BANK1: variants seen among roughly 807,000 people sequenced by gnomAD.
The protein encoded by BANK1 is B cell scaffold protein with ankyrin repeats 1.
A neutral mutation model predicts 94.5 loss-of-function variants in BANK1; 95 were observed. The observed-to-expected ratio is 1.00, with a 90% CI of 0.85 to 1.19. BANK1 has a LOEUF of 1.19. BANK1 is among the 50% of genes most tolerant of loss of function. The probability of loss-of-function intolerance (pLI) is 0.00; values close to 1 mark genes in which losing one functional copy is unlikely to be tolerated. For missense variants in BANK1, 987 were observed against 932.2 expected (o/e 1.06, Z -0.77); for synonymous variants, 334 against 308.4 (o/e 1.08, Z -0.87).
chr4:101,943,638 T>G (rs1339042762), intron 7 of BANK1, among the ~76,000 whole-genome samples: 1 of 151,864 alleles, frequency 6.6e-6, no homozygotes, highest in Non-Finnish European at 1.5e-5. Context: ...AATACTTATT[T>G]CATATCTAAA....
chr4:101,939,344 ATAAT>A (rs1723669058), intron 7 of BANK1, among the ~76,000 whole-genome samples: 2 of 151,778 alleles, frequency 1.3e-5, no homozygotes, highest in Admixed American at 1.3e-4. Flanking sequence ...AAGTTGTAAA[ATAAT>A]TAACACTAAA....
At chr4:102,034,153 G>T (rs149302668) in intron 10 of BANK1, among the ~76,000 whole-genome samples, 3 of 152,144 alleles carry the variant, frequency 2.0e-5, no homozygotes, top group Admixed American at 1.3e-4. Context: ...GCCCAAAAAT[G>T]GTATCAGTAT....
At position 101,927,597 on chromosome 4, in the gene BANK1, G is replaced by A. The variant is rs116805825; in HGVS notation, c.1206+9408G>A. 5.1e-4 allele frequency among the ~76,000 whole-genome samples: 78 copies of A among 151,684 alleles called. 1 individual carries two copies. The highest frequency in any genetic ancestry group is 2.6e-3 in the Admixed American group (39 of 15,206). ...ACAGCAGCAAAGACAACCAGAAGTGGTTAGGTTTGAAATATGCCATTGTTT... is the reference window on the plus strand; with the variant it reads ...ACAGCAGCAAAGACAACCAGAAGTGATTAGGTTTGAAATATGCCATTGTTT... On this transcript the variant is annotated intron_variant, in intron 7 of 16. Coordinates refer to ENST00000322953, the MANE Select transcript of BANK1 (RefSeq NM_017935.5).
intron 7 of BANK1, among the ~76,000 whole-genome samples, chr4:101,958,750 C>T (rs563150119): frequency 6.6e-6 from 1 of 152,182 alleles, no homozygotes; most frequent in East Asian, 1.9e-4. Flanking sequence ...CATCCATCCT[C>T]TCTACACATG....
intron 10 of BANK1, among the ~76,000 whole-genome samples, chr4:102,041,606 G>A (rs994179379): frequency 2.0e-5 from 3 of 152,006 alleles, no homozygotes; most frequent in Admixed American, 1.3e-4. Flanking sequence ...AAAGCAGGTA[G>A]AGGGAACCTT....
chr4:101,896,140 A>T (rs1167283976), intron 6 of BANK1, among the ~76,000 whole-genome samples: 1 of 151,996 alleles, frequency 6.6e-6, no homozygotes, highest in Non-Finnish European at 1.5e-5. Flanking sequence ...TAGGAGATAT[A>T]CATGAAAAAT....
At chr4:101,794,127 T>G (rs1725079269) in intron 1 of BANK1, among the ~76,000 whole-genome samples, 1 of 152,100 alleles carries the variant, frequency 6.6e-6, no homozygotes, top group East Asian at 1.9e-4. Flanking sequence ...GGAATTAAAC[T>G]ATAGCAGTTG....
intron 13 of BANK1, among the ~76,000 whole-genome samples, chr4:102,064,430 A>G (rs1170747513): frequency 6.6e-6 from 1 of 152,206 alleles, no homozygotes; most frequent in Non-Finnish European, 1.5e-5. Context: ...TAAAAAGCTA[A>G]CATTTATTAT....
At chr4:101,927,904 G>A (rs1723216740) in intron 7 of BANK1, among the ~76,000 whole-genome samples, 1 of 151,594 alleles carries the variant, frequency 6.6e-6, no homozygotes, top group South Asian at 2.1e-4. Flanking sequence ...TTTGAGGTAG[G>A]AAGAGAATCA....
chr4:101,886,285 C>T (rs956472955), intron 5 of BANK1, among the ~76,000 whole-genome samples: 1 of 152,172 alleles, frequency 6.6e-6, no homozygotes, highest in Non-Finnish European at 1.5e-5. Flanking sequence ...CTAGCACAGG[C>T]ACAGCCCCTT....
chr4:101,901,950 C>T (rs1167412157), intron 6 of BANK1, among the ~76,000 whole-genome samples: 1 of 152,016 alleles, frequency 6.6e-6, no homozygotes, highest in Non-Finnish European at 1.5e-5. Flanking sequence ...TTAGTAGAGA[C>T]AGGGTTTCAC....
intron 7 of BANK1, among the ~76,000 whole-genome samples, chr4:102,004,475 C>A (rs1462616292): frequency 6.6e-6 from 1 of 152,134 alleles, no homozygotes; most frequent in African/African-American, 2.4e-5. Flanking sequence ...TTTTCTTCTG[C>A]ATTTTATTTA....
In BANK1 at chr4:102,058,790, A is replaced by ATGGT. The variant is rs1728318335; in HGVS notation, c.1970-1420_1970-1417dup. On this transcript the variant is annotated intron_variant, in intron 11 of 16. Transcript: ENST00000322953. Reference sequence around the variant, plus strand: ...AAGAAAGCCTCTCTGTTGAATGGAAATGGTGAGAAGGGAAAAAGTAAAAAA... The same window carrying ATGGT: ...AAGAAAGCCTCTCTGTTGAATGGAAATGGTTGGTGAGAAGGGAAAAAGTAAAAAA... Among the ~76,000 whole-genome samples, 3 of 151,640 alleles carry ATGGT rather than the reference A, an allele frequency of 2.0e-5. No individual in the cohort carries two copies. The South Asian group carries it at 6.2e-4, about 32-fold the overall frequency.
intron 1 of BANK1, among the ~76,000 whole-genome samples, chr4:101,818,725 G>A (rs182127563): frequency 1.1e-4 from 17 of 151,938 alleles, no homozygotes; most frequent in East Asian, 5.8e-4. Flanking sequence ...TGCTCCTACC[G>A]TGCCTACTTT....
intron 7 of BANK1, among the ~76,000 whole-genome samples, chr4:101,969,977 C>T (rs1724898774): frequency 6.6e-6 from 1 of 152,124 alleles, no homozygotes; most frequent in Non-Finnish European, 1.5e-5. Context: ...GTTTTCAATG[C>T]CACAATAGTT....
chr4:102,030,190 A>G lies in BANK1; in HGVS notation c.1825A>G (p.Asn609Asp). ...KKTGSRSFII[N>D]RPPAPTPRPT... ...AACTGGGAGTCGGTCTTTCATTATA[A>G]ATAGACCTCCTGCCCCCACACCCCG... The change falls in exon 10 of 17, where the codon AAT becomes GAT. Residue 609 changes from asparagine to aspartate, a missense_variant. Transcript: ENST00000322953. 1 of 1,613,884 alleles carries G rather than the reference A, an allele frequency of 6.2e-7. No homozygotes were observed. Among genetic ancestry groups the G allele is most frequent in the Non-Finnish European group, 8.5e-7 (1 of 1,179,812 alleles).
intron 5 of BANK1, among the ~76,000 whole-genome samples, chr4:101,886,263 T>G (rs1303856587): frequency 6.6e-6 from 1 of 152,206 alleles, no homozygotes; most frequent in East Asian, 1.9e-4. Flanking sequence ...GAGCCCTTTG[T>G]TCCAGTTGCC....
At chr4:101,904,209 G>T (rs568345310) in intron 6 of BANK1, among the ~76,000 whole-genome samples, 1 of 152,174 alleles carries the variant, frequency 6.6e-6, no homozygotes, top group Non-Finnish European at 1.5e-5. Flanking sequence ...ACTACTAAAG[G>T]CCAGTTTTTT....
At chr4:101,839,012 T>C (rs1726933214) in intron 2 of BANK1, among the ~76,000 whole-genome samples, 3 of 152,348 alleles carry the variant, frequency 2.0e-5, no homozygotes, top group East Asian at 1.9e-4. Flanking sequence ...GAAACTTATA[T>C]ATTTTAACTT....
Sources: gnomAD v4.1 joint callset for allele counts (sites outside exome capture counted in the v4.1 genomes callset) on GRCh38, gnomAD v4.1.1 for gene constraint, MANE v1.5 for transcripts, NCBI Gene and HGNC (gene_info 2026-07-23, HGNC 2026-07-21) for gene names.